RABGAP1L: variants seen among roughly 807,000 people sequenced by gnomAD.
The protein encoded by RABGAP1L is RAB GTPase activating protein 1 like.
A neutral mutation model predicts 137.7 loss-of-function variants in RABGAP1L; 63 were observed. That is an observed-to-expected ratio of 0.46 (90% CI 0.37 to 0.56). The LOEUF is 0.56. Ranked by LOEUF, RABGAP1L falls within the 20% of genes least tolerant of loss-of-function variation. The pLI is 0.00. For synonymous variants in RABGAP1L, 431 were observed against 433.7 expected (o/e 0.99, Z 0.08); for missense variants, 1,095 against 1,244.0 (o/e 0.88, Z 1.80).
At chr1:174,696,369 ACTCTTAC>A (rs1438494468) in intron 15 of RABGAP1L, among the ~76,000 whole-genome samples, 4 of 151,684 alleles carry the variant, frequency 2.6e-5, no homozygotes, top group Non-Finnish European at 4.4e-5. Flanking sequence ...AAGTATAGCC[ACTCTTAC>A]TTTTTTGTTG....
At chr1:174,550,868 A>ATATATG (rs1666385650) in intron 13 of RABGAP1L, among the ~76,000 whole-genome samples, 1 of 76,460 alleles carries the variant, frequency 1.3e-5, no homozygotes, top group East Asian at 5.3e-4. Context: ...ATATATATAT[A>ATATATG]TATATATATA....
At chr1:174,579,499 C>A (rs1310044060) in intron 13 of RABGAP1L, among the ~76,000 whole-genome samples, 3 of 152,164 alleles carry the variant, frequency 2.0e-5, no homozygotes, top group Non-Finnish European at 4.4e-5. Context: ...AACACACGTG[C>A]TGTGGAAAGG....
chr1:174,327,964 T>TATATATATATAC (rs1680600536), intron 11 of RABGAP1L, among the ~76,000 whole-genome samples: 1 of 13,910 alleles, frequency 7.2e-5, no homozygotes, highest in African/African-American at 5.7e-4. Flanking sequence ...TAAATATATA[T>TATATATATATAC]ATATATATAT....
At chr1:174,393,808 G>C (rs1647465267) in intron 12 of RABGAP1L, among the ~76,000 whole-genome samples, 187 bp from the exon 13 acceptor site, 1 of 152,138 alleles carries the variant, frequency 6.6e-6, no homozygotes, top group Non-Finnish European at 1.5e-5. Flanking sequence ...CCAATAAGAA[G>C]ATGAGATCAA....
chr1:174,892,603 T>G (rs1056118621), intron 19 of RABGAP1L: 4 of 534,014 alleles, frequency 7.5e-6, no homozygotes, highest in African/African-American at 1.9e-5. Flanking sequence ...CTTTGGTGGT[T>G]GGTGTTCTTG....
At chr1:174,440,502 A>C (rs573365925) in intron 13 of RABGAP1L, among the ~76,000 whole-genome samples, 1 of 152,312 alleles carries the variant, frequency 6.6e-6, no homozygotes, top group African/African-American at 2.4e-5. Context: ...TAAATTCTGA[A>C]TGCGTAAGCC....
chr1:174,887,124 C>A (rs1342326090), intron 19 of RABGAP1L, among the ~76,000 whole-genome samples: 1 of 152,120 alleles, frequency 6.6e-6, no homozygotes, highest in African/African-American at 2.4e-5. Flanking sequence ...GGCTTTTGTC[C>A]ATGTTCCATT....
chr1:174,189,637 G>A (rs760678276), intron 1 of RABGAP1L, among the ~76,000 whole-genome samples: 2 of 152,160 alleles, frequency 1.3e-5, no homozygotes, highest in Non-Finnish European at 2.9e-5. Flanking sequence ...ATGTGTTAGT[G>A]GATTATCATG....
chr1:174,569,115 G>A (rs1373782631), intron 13 of RABGAP1L, among the ~76,000 whole-genome samples: 1 of 152,154 alleles, frequency 6.6e-6, no homozygotes, highest in Non-Finnish European at 1.5e-5. Context: ...GACAGCTAGT[G>A]TCCCCAAATC....
chr1:174,993,699 TA>T lies in RABGAP1L; in HGVS notation c.*3699del, dbSNP rs1479093354. ...TCAAACACTTAGGTACCTGCCTGAT[TA>T]GGGGGGCCCCTTTAAGGGAAAAAAC... On this transcript the variant is annotated 3_prime_UTR_variant, in exon 26 of 26. Transcript: ENST00000681986. 1 of 152,228 alleles carries T rather than the reference TA, an allele frequency of 6.6e-6. No individual in the cohort carries two copies. The highest frequency in any genetic ancestry group is 1.5e-5 in the Non-Finnish European group (1 of 68,044). 9.4% of individuals were successfully genotyped at this position (152,228 alleles called of 1,614,324 possible).
At chr1:174,165,659 T>C (rs1397140620) in intron 1 of RABGAP1L, among the ~76,000 whole-genome samples, 1 of 152,042 alleles carries the variant, frequency 6.6e-6, no homozygotes, top group Non-Finnish European at 1.5e-5. Flanking sequence ...ACCAACATGC[T>C]TGGCTAATTT....
At chr1:174,715,864 C>T (rs987353146) in intron 17 of RABGAP1L, among the ~76,000 whole-genome samples, 1 of 152,214 alleles carries the variant, frequency 6.6e-6, no homozygotes, top group African/African-American at 2.4e-5. Flanking sequence ...TAAATTCCTT[C>T]ACCTGATGCT....
At chr1:174,402,647 C>T (rs1168975269) in intron 13 of RABGAP1L, among the ~76,000 whole-genome samples, 1 of 152,058 alleles carries the variant, frequency 6.6e-6, no homozygotes, top group Non-Finnish European at 1.5e-5. Context: ...ATCCTATGTC[C>T]TTTATTGTTT....
At chr1:174,762,313 GC>G (rs1425225275) in intron 18 of RABGAP1L, among the ~76,000 whole-genome samples, 1 of 152,094 alleles carries the variant, frequency 6.6e-6, no homozygotes, top group African/African-American at 2.4e-5. Flanking sequence ...TCTCAATCAA[GC>G]CATAATGAAC....
At chr1:174,321,362 C>G (rs2148827279) in intron 11 of RABGAP1L, among the ~76,000 whole-genome samples, 1 of 152,222 alleles carries the variant, frequency 6.6e-6, no homozygotes, top group East Asian at 1.9e-4. Context: ...AGCATGTGAT[C>G]TCTGTACCCA....
chr1:174,957,039 A>G (rs1342188993), intron 19 of RABGAP1L, among the ~76,000 whole-genome samples: 2 of 152,242 alleles, frequency 1.3e-5, no homozygotes, highest in East Asian at 3.8e-4. Flanking sequence ...AGTGAATTAT[A>G]TTTAAGAAAG....
intron 19 of RABGAP1L, among the ~76,000 whole-genome samples, chr1:174,888,396 A>G (rs1178056034): frequency 1.3e-5 from 2 of 152,150 alleles, no homozygotes; most frequent in East Asian, 3.8e-4. Flanking sequence ...AGACACAAAG[A>G]TTTTTACAAG....
At chr1:174,327,739 T>G (rs1680561081) in intron 11 of RABGAP1L, among the ~76,000 whole-genome samples, 1 of 151,542 alleles carries the variant, frequency 6.6e-6, no homozygotes, top group Non-Finnish European at 1.5e-5. Flanking sequence ...AACTATATGC[T>G]GCCCCCAAGA....
At chr1:174,842,773 C>T (rs75036454) in intron 19 of RABGAP1L, among the ~76,000 whole-genome samples, 3,287 of 152,212 alleles carry the variant, frequency 0.022, 53 homozygotes, top group Middle Eastern at 0.082. Context: ...TCTCTGCTTC[C>T]ACTTGATGTT....
Sources: allele counts gnomAD v4.1 joint callset (sites outside exome capture counted in the v4.1 genomes callset), GRCh38; gene constraint gnomAD v4.1.1; transcripts MANE v1.5; gene names NCBI Gene and HGNC (gene_info 2026-07-23, HGNC 2026-07-21).